Variants in SLC68A1 observed in about 807,000 individuals in gnomAD.
The protein encoded by SLC68A1 is major facilitator superfamily domain containing 13A.
the SLC68A1 span, chr10:102,461,564 A>G: frequency 6.7e-6 from 1 of 150,242 alleles, no homozygotes; most frequent in African/African-American, 2.5e-5. Flanking sequence ...TCTGGGAGTC[A>G]TGGGGGCTAT....
the SLC68A1 span, among the ~76,000 whole-genome samples, chr10:102,474,433 G>C: frequency 6.6e-6 from 1 of 152,130 alleles, no homozygotes; most frequent in Admixed American, 6.5e-5. Context: ...AGTATTATCA[G>C]GGAAGGCCTC....
the SLC68A1 span, chr10:102,476,043 TTTTTTTTGG>T: frequency 6.5e-6 from 8 of 1,229,890 alleles, no homozygotes; most frequent in South Asian, 1.9e-5. Flanking sequence ...AAGGAGCCAG[TTTTTTTTGG>T]TTTTTTTTTT....
At chr10:102,467,946 G>A in the SLC68A1 span, among the ~76,000 whole-genome samples, 2 of 152,086 alleles carry the variant, frequency 1.3e-5, no homozygotes, top group Non-Finnish European at 2.9e-5. Flanking sequence ...CGTGAGCCAC[G>A]GCACCCGGCT....
the SLC68A1 span, among the ~76,000 whole-genome samples, chr10:102,463,500 T>A: frequency 1.3e-5 from 2 of 151,018 alleles, no homozygotes; most frequent in African/African-American, 4.9e-5. Context: ...GCCTGTGGGC[T>A]GGAGGAGGGG....
At chr10:102,468,910 G>T in the SLC68A1 span, 1 of 778,690 alleles carries the variant, frequency 1.3e-6, no homozygotes, top group Non-Finnish European at 2.0e-6. Context: ...GTTAAGAACA[G>T]AGCTGGCTCT....
the SLC68A1 span, chr10:102,469,781 A>G: frequency 1.1e-6 from 1 of 919,790 alleles, no homozygotes; most frequent in African/African-American, 1.8e-5. Context: ...TCCTGACCTC[A>G]GGTGATCCAC....
At chr10:102,473,348 G>T in the SLC68A1 span, among the ~76,000 whole-genome samples, 1 of 152,104 alleles carries the variant, frequency 6.6e-6, no homozygotes, top group African/African-American at 2.4e-5. Context: ...GCCTCAGGTG[G>T]GTTAGTTCAT....
At chr10:102,468,097 A>G in the SLC68A1 span, among the ~76,000 whole-genome samples, 1 of 151,838 alleles carries the variant, frequency 6.6e-6, no homozygotes, top group Non-Finnish European at 1.5e-5. Flanking sequence ...GCCAGGGACC[A>G]CGCCCTCCTC....
chr10:102,461,647 C>T, the SLC68A1 span, among the ~76,000 whole-genome samples: 1 of 151,220 alleles, frequency 6.6e-6, no homozygotes, highest in Non-Finnish European at 1.5e-5. Context: ...AAGCGGGGTT[C>T]AAGGGGGCAA....
chr10:102,465,108 A>T, the SLC68A1 span, among the ~76,000 whole-genome samples: 9 of 151,966 alleles, frequency 5.9e-5, no homozygotes, highest in Non-Finnish European at 7.4e-5. Flanking sequence ...CAAAAAAAAA[A>T]TTTGCCGAGT....
chr10:102,469,348 C>T, the SLC68A1 span: 1 of 734,968 alleles, frequency 1.4e-6, no homozygotes, highest in Non-Finnish European at 2.3e-6. Flanking sequence ...TCAAGAAAAG[C>T]TGTGGAGGCC....
chr10:102,473,712 C>T, the SLC68A1 span: 1 of 1,613,950 alleles, frequency 6.2e-7, no homozygotes. Flanking sequence ...GCCCGGACCA[C>T]CTCAGCCTGC....
the SLC68A1 span, chr10:102,473,502 A>G: frequency 8.8e-6 from 13 of 1,483,520 alleles, no homozygotes. Flanking sequence ...GTCGGCTGTG[A>G]AGCTGATGGC....
the SLC68A1 span, chr10:102,476,805 G>A: frequency 2.0e-6 from 2 of 985,858 alleles, no homozygotes; most frequent in African/African-American, 3.5e-5. Flanking sequence ...CGCTGTGGTG[G>A]ACTCAGGAAC....
the SLC68A1 span, chr10:102,471,982 G>C: frequency 2.2e-6 from 1 of 455,728 alleles, no homozygotes; most frequent in Non-Finnish European, 4.4e-6. Context: ...CCCCTTTGGG[G>C]ACCCTCTAAC....
At chr10:102,470,016 C>T in the SLC68A1 span, 1 of 1,614,090 alleles carries the variant, frequency 6.2e-7, no homozygotes, top group Non-Finnish European at 8.5e-7. Flanking sequence ...TCTGGAACAG[C>T]CTCAATGACC....
the SLC68A1 span, chr10:102,472,243 T>G: frequency 1.2e-4 from 36 of 289,782 alleles, 1 homozygote; most frequent in African/African-American, 8.1e-4. Context: ...TGTTTTCATG[T>G]TATGAAATTT....
the SLC68A1 span, chr10:102,469,806 C>G: frequency 2.0e-6 from 2 of 983,592 alleles, no homozygotes; most frequent in Non-Finnish European, 2.4e-6. Context: ...CTCGGCCTCC[C>G]AAAGTGCTGG....
the SLC68A1 span, chr10:102,471,151 C>G: frequency 6.2e-7 from 1 of 1,604,620 alleles, no homozygotes; most frequent in Non-Finnish European, 8.5e-7. Context: ...CAGGTCCTCA[C>G]CAGCAACCTT....
Sources: allele counts gnomAD v4.1 joint callset (sites outside exome capture counted in the v4.1 genomes callset), GRCh38; gene constraint gnomAD v4.1.1; transcripts MANE v1.5; gene names NCBI Gene and HGNC (gene_info 2026-07-23, HGNC 2026-07-21).